Variants in ABTB3 observed in about 807,000 individuals in gnomAD.
ABTB3 encodes ankyrin repeat- and BTB/POZ domain-containing protein 3.
the ABTB3 span, among the ~76,000 whole-genome samples, chr12:107,443,206 T>C: frequency 1.7e-4 from 25 of 151,092 alleles, no homozygotes; most frequent in African/African-American, 5.8e-4. Context: ...TATAAGGGAG[T>C]GGGATGCATT....
At chr12:107,405,839 G>T in the ABTB3 span, among the ~76,000 whole-genome samples, 1 of 152,228 alleles carries the variant, frequency 6.6e-6, no homozygotes, top group African/African-American at 2.4e-5. Flanking sequence ...CCAGGCGATT[G>T]GAGACCTGAG....
At chr12:107,550,938 G>A in the ABTB3 span, among the ~76,000 whole-genome samples, 3 of 152,058 alleles carry the variant, frequency 2.0e-5, no homozygotes, top group African/African-American at 7.2e-5. Context: ...ATTTGCACAG[G>A]CCAGCACTTA....
At chr12:107,568,772 T>G in the ABTB3 span, among the ~76,000 whole-genome samples, 1 of 152,236 alleles carries the variant, frequency 6.6e-6, no homozygotes, top group Non-Finnish European at 1.5e-5. Flanking sequence ...ACTATTATTT[T>G]AAGCTAGAAG....
At chr12:107,599,155 G>T in the ABTB3 span, among the ~76,000 whole-genome samples, 1 of 152,202 alleles carries the variant, frequency 6.6e-6, no homozygotes, top group Non-Finnish European at 1.5e-5. Context: ...CTGCATTTCA[G>T]ATGGCTGCCT....
the ABTB3 span, among the ~76,000 whole-genome samples, chr12:107,485,944 G>C: frequency 6.6e-6 from 1 of 152,216 alleles, no homozygotes; most frequent in African/African-American, 2.4e-5. Context: ...AGAGATATCT[G>C]AGTCTAGTGC....
the ABTB3 span, chr12:107,617,127 G>A: frequency 1.9e-6 from 3 of 1,614,042 alleles, no homozygotes; most frequent in Non-Finnish European, 2.5e-6. Flanking sequence ...AAGGCTCAGT[G>A]GAGCATGGCG....
At chr12:107,608,747 C>T in the ABTB3 span, among the ~76,000 whole-genome samples, 4 of 151,694 alleles carry the variant, frequency 2.6e-5, no homozygotes, top group South Asian at 4.2e-4. Flanking sequence ...GGTGCATCCC[C>T]GTAGTCTCAG....
the ABTB3 span, among the ~76,000 whole-genome samples, chr12:107,395,348 G>A: frequency 3.9e-5 from 6 of 152,162 alleles, no homozygotes; most frequent in Admixed American, 3.3e-4. Flanking sequence ...AACAGTGGGT[G>A]CAGCCTCACT....
At chr12:107,621,599 G>C in the ABTB3 span, among the ~76,000 whole-genome samples, 1 of 152,162 alleles carries the variant, frequency 6.6e-6, no homozygotes, top group Non-Finnish European at 1.5e-5. Flanking sequence ...TATGACATAC[G>C]TACAGAAAAG....
At chr12:107,368,670 G>A in the ABTB3 span, among the ~76,000 whole-genome samples, 1 of 152,182 alleles carries the variant, frequency 6.6e-6, no homozygotes, top group Non-Finnish European at 1.5e-5. Flanking sequence ...AGTACCAGGT[G>A]AGTCTCTGGA....
the ABTB3 span, among the ~76,000 whole-genome samples, chr12:107,451,179 T>C: frequency 3.0e-4 from 45 of 152,306 alleles, no homozygotes; most frequent in African/African-American, 1.0e-3. Context: ...TATGGCACCA[T>C]AGAGGATGGA....
chr12:107,509,707 G>A, the ABTB3 span, among the ~76,000 whole-genome samples: 1 of 152,198 alleles, frequency 6.6e-6, no homozygotes, highest in Non-Finnish European at 1.5e-5. Flanking sequence ...ATTGGAGTAG[G>A]GCATGCCTCT....
the ABTB3 span, among the ~76,000 whole-genome samples, chr12:107,602,859 G>C: frequency 1.3e-5 from 2 of 152,170 alleles, no homozygotes; most frequent in African/African-American, 4.8e-5. Context: ...AGGCCTGCAG[G>C]CTTCCTGGAA....
chr12:107,346,364 G>T, the ABTB3 span, among the ~76,000 whole-genome samples: 2 of 152,150 alleles, frequency 1.3e-5, no homozygotes, highest in Non-Finnish European at 2.9e-5. Context: ...GCCAGGAAAT[G>T]GCCCCTTGTG....
the ABTB3 span, among the ~76,000 whole-genome samples, chr12:107,602,480 TGAG>T: frequency 1.3e-5 from 2 of 152,272 alleles, no homozygotes; most frequent in Non-Finnish European, 2.9e-5. Flanking sequence ...AGCTGTATGC[TGAG>T]CGCAGTACTC....
chr12:107,497,807 C>T, the ABTB3 span, among the ~76,000 whole-genome samples: 1 of 152,200 alleles, frequency 6.6e-6, no homozygotes, highest in Non-Finnish European at 1.5e-5. Flanking sequence ...GCACATCCTT[C>T]CTTCTCCTGG....
At chr12:107,650,064 G>C in the ABTB3 span, 1 of 103,824 alleles carries the variant, frequency 9.6e-6, no homozygotes, top group Non-Finnish European at 2.2e-5. Context: ...TGACGTCTGG[G>C]GGGTACCTGG....
the ABTB3 span, among the ~76,000 whole-genome samples, chr12:107,392,001 T>C: frequency 6.6e-6 from 1 of 152,246 alleles, no homozygotes; most frequent in African/African-American, 2.4e-5. Context: ...TTGTTAGCTG[T>C]GCAGTCGAAG....
the ABTB3 span, among the ~76,000 whole-genome samples, chr12:107,587,085 G>C: frequency 4.6e-5 from 7 of 152,332 alleles, no homozygotes; most frequent in East Asian, 1.2e-3. Context: ...CAGAGAGAGA[G>C]AGCATAGGGC....
Sources: gnomAD v4.1 joint callset for allele counts (sites outside exome capture counted in the v4.1 genomes callset) on GRCh38, gnomAD v4.1.1 for gene constraint, MANE v1.5 for transcripts, NCBI Gene and HGNC (gene_info 2026-07-23, HGNC 2026-07-21) for gene names.